LATS1: variants seen among roughly 807,000 people sequenced by gnomAD.
LATS1 encodes the protein large tumor suppressor kinase 1.
A neutral mutation model predicts 106.6 loss-of-function variants in LATS1; 25 were observed. The ratio of observed to expected loss-of-function variants is 0.23; its 90% CI spans 0.17 to 0.33. The LOEUF (loss-of-function observed/expected upper bound fraction) is 0.33, where lower values mean the gene tolerates loss of function less well. Among genes scored for constraint, LATS1 ranks in the 10% least tolerant of loss-of-function variants. The probability of loss-of-function intolerance (pLI) is 1.00; values close to 1 mark genes in which losing one functional copy is unlikely to be tolerated. For missense variants in LATS1, 1,040 were observed against 1,382.6 expected (o/e 0.75, Z 3.93); for synonymous variants, 465 against 455.6 (o/e 1.02, Z -0.26).
chr6:149,671,652 C>T (rs1311238303), intron 7 of LATS1, among the ~76,000 whole-genome samples: 2 of 151,904 alleles, frequency 1.3e-5, no homozygotes, highest in African/African-American at 4.9e-5. Context: ...ATTTTAAAAT[C>T]AGGTAGTTGA....
intron 7 of LATS1, among the ~76,000 whole-genome samples, chr6:149,670,682 T>G (rs1781400497): frequency 6.6e-6 from 1 of 152,110 alleles, no homozygotes; most frequent in Non-Finnish European, 1.5e-5. Context: ...TGCCTTTCTT[T>G]GACCTGCTCT....
At chr6:149,695,482 T>C (rs1184743256) in intron 2 of LATS1, among the ~76,000 whole-genome samples, 2 of 152,170 alleles carry the variant, frequency 1.3e-5, no homozygotes, top group East Asian at 3.8e-4. Flanking sequence ...AAGACCAGCC[T>C]GACCAACATG....
chr6:149,717,795 C>G (rs1241565606), intron 1 of LATS1, 54 bp downstream of exon 1: 3 of 275,886 alleles, frequency 1.1e-5, no homozygotes, highest in Non-Finnish European at 2.1e-5. Flanking sequence ...CGGCCACCGC[C>G]CCGCCAACTC....
At chr6:149,703,701 TA>T (rs1021039494) in intron 1 of LATS1, among the ~76,000 whole-genome samples, 21 of 147,894 alleles carry the variant, frequency 1.4e-4, no homozygotes, top group South Asian at 1.1e-3. Context: ...CTGTCTACAT[TA>T]AAAAAAAAAA....
chr6:149,686,492 C>T (rs1278735808), intron 3 of LATS1, among the ~76,000 whole-genome samples: 1 of 152,190 alleles, frequency 6.6e-6, no homozygotes, highest in African/African-American at 2.4e-5. Context: ...TCCGGATCCA[C>T]TCGGCTCCAC....
chr6:149,696,588 A>G (rs1409807698), intron 2 of LATS1, among the ~76,000 whole-genome samples: 3 of 145,866 alleles, frequency 2.1e-5, no homozygotes, highest in Admixed American at 1.4e-4. Context: ...AAAAAAAAAG[A>G]ACTACTTTTT....
chr6:149,684,627 T>C lies in LATS1; in HGVS notation c.497-35A>G, dbSNP rs771210492. The C allele has an allele frequency of 8.9e-6, 13 of 1,459,744 alleles. 1 individual carries two copies. In the East Asian group the frequency reaches 2.6e-4, roughly 29 times the overall value. The allele number at this position is 1,459,744 out of a possible 1,614,324, so 90.4% of individuals were successfully genotyped here. ...TAAGAGAGATAAAGAGAAAAAAGAA[T>C]CATGTTTTTAACCTCTAATTTTTGA... On this transcript the variant is annotated intron_variant, in intron 3 of 7. Transcript: ENST00000543571.
intron 3 of LATS1, among the ~76,000 whole-genome samples, chr6:149,690,771 T>G (rs1029992886): frequency 3.3e-5 from 5 of 152,168 alleles, no homozygotes; most frequent in African/African-American, 1.2e-4. Flanking sequence ...ACTTCTGAGC[T>G]CAAGTGATCC....
Position 149,683,116 on chromosome 6 carries a change from A to T in LATS1, c.1973T>A (p.Leu658Gln), listed in dbSNP as rs138670229. The change falls in exon 4 of 8, where the codon CTA becomes CAA. Residue 658 changes from leucine (L) to glutamine (Q), a missense_variant. By Grantham distance (113) the Leu-to-Gln change is moderately radical. This residue lies in a region of LATS1 where 167 missense variants were observed against 332.1 expected (regional missense o/e 0.50). Coordinates refer to ENST00000543571, the MANE Select transcript of LATS1 (RefSeq NM_004690.4). ...ENVLKSHQQRLHRKKQLENEM... is the reference protein window; with the variant it reads ...ENVLKSHQQRQHRKKQLENEM... ...ATTCTCTAATTGTTTTTTACGATGT[A>T]GACGCTGCTGATGAGATTTGAGTAC... The T allele has an allele frequency of 1.9e-6, 3 of 1,613,258 alleles. No individual in the cohort carries two copies. The African/African-American group carries it at 4.0e-5, about 22-fold the overall frequency.
intron 3 of LATS1, among the ~76,000 whole-genome samples, chr6:149,688,502 G>T (rs928141599): frequency 6.6e-6 from 1 of 151,752 alleles, no homozygotes; most frequent in Non-Finnish European, 1.5e-5. Flanking sequence ...TAGAGATGGG[G>T]TTTCACTATG....
intron 1 of LATS1, chr6:149,716,470 G>C (rs1276565934): frequency 6.6e-6 from 1 of 152,122 alleles, no homozygotes; most frequent in Non-Finnish European, 1.5e-5. Context: ...AATAACTTTT[G>C]TGATGTATAA....
chr6:149,673,096 CTT>C (rs199602290), intron 7 of LATS1, among the ~76,000 whole-genome samples: 2,634 of 118,982 alleles, frequency 0.022, 42 homozygotes, highest in African/African-American at 0.056. Flanking sequence ...CTTTTCTTTT[CTT>C]TTTTTTTTTT....
chr6:149,669,897 C>T (rs1015894664), intron 7 of LATS1, among the ~76,000 whole-genome samples: 1 of 151,480 alleles, frequency 6.6e-6, no homozygotes, highest in African/African-American at 2.4e-5. Flanking sequence ...TTAGGCTGGG[C>T]GTGATGGCTC....
chr6:149,685,079 T>C (rs774624842), intron 3 of LATS1, among the ~76,000 whole-genome samples: 25 of 151,828 alleles, frequency 1.6e-4, no homozygotes, highest in African/African-American at 4.6e-4. Context: ...CTACTAAAAA[T>C]ACAAAAAAAT....
Position 149,676,343 on chromosome 6 carries a change from A to G in LATS1, c.2800T>C (p.Trp934Arg). 1.2e-6 allele frequency: 2 copies of G among 1,612,340 alleles called. No individual in the cohort carries two copies. The highest frequency in any genetic ancestry group is 1.7e-6 in the Non-Finnish European group (2 of 1,178,408). ...RTGYTQLCDWWSVGVILFEML... is the reference protein window; with the variant it reads ...RTGYTQLCDWRSVGVILFEML... ...TCAAAAAGAATAACACCAACACTCCACCAATCACACAACTGTGTGTATCCT... is the reference window on the plus strand; with the variant it reads ...TCAAAAAGAATAACACCAACACTCCGCCAATCACACAACTGTGTGTATCCT... Residue 934 changes from tryptophan to arginine, a missense_variant, in exon 7 of 8, where the codon TGG (tryptophan) becomes CGG (arginine). This residue lies in a region of LATS1 where 23 missense variants were observed against 56.9 expected (regional missense o/e 0.40). Transcript: ENST00000543571.
intron 7 of LATS1, among the ~76,000 whole-genome samples, chr6:149,667,835 G>A (rs1465604499): frequency 6.6e-6 from 1 of 152,216 alleles, no homozygotes; most frequent in East Asian, 1.9e-4. Flanking sequence ...AATAATTGCA[G>A]ATGTCTCATC....
At chr6:149,704,250 A>AC (rs1783624888) in intron 1 of LATS1, among the ~76,000 whole-genome samples, 1 of 152,000 alleles carries the variant, frequency 6.6e-6, no homozygotes, top group Non-Finnish European at 1.5e-5. Context: ...TGATCCACCC[A>AC]CCTCAGCCTC....
At chr6:149,671,457 G>A (rs972380569) in intron 7 of LATS1, among the ~76,000 whole-genome samples, 4 of 151,692 alleles carry the variant, frequency 2.6e-5, no homozygotes, top group African/African-American at 7.3e-5. Context: ...TTTTGTATAC[G>A]GCTGACCAGT....
At position 149,660,948 on chromosome 6, in the gene LATS1, A is replaced by G. The variant is rs1780859661; in HGVS notation, c.*781T>C. ...GAAATATTTTAGCTTTTAGTATTGA[A>G]CATTTCGATTTATGGCAGCTTTGTT... On this transcript the variant is annotated 3_prime_UTR_variant, in exon 8 of 8. Transcript: ENST00000543571. 9.4e-6 allele frequency: 2 copies of G among 212,714 alleles called. No individual in the cohort carries two copies. The highest frequency in any genetic ancestry group is 3.7e-4 in the South Asian group (2 of 5,338). The allele number at this position is 212,714 out of a possible 1,614,324, so 13.2% of individuals were successfully genotyped here.
Sources: allele counts gnomAD v4.1 joint callset (sites outside exome capture counted in the v4.1 genomes callset), GRCh38; gene constraint gnomAD v4.1.1; regional missense constraint gnomAD v4.1.1; transcripts MANE v1.5; gene names NCBI Gene and HGNC (gene_info 2026-07-23, HGNC 2026-07-21).